SEC14L5: variants seen among roughly 807,000 people sequenced by gnomAD.
SEC14L5 encodes SEC14-like protein 5.
SEC14L5 carries 96 observed loss-of-function variants against 84.6 expected under a neutral mutation model. The ratio of observed to expected loss-of-function variants is 1.13; its 90% CI spans 0.96 to 1.34. SEC14L5 has a LOEUF of 1.34. SEC14L5 is among the 40% of genes most tolerant of loss of function. The pLI is 0.00. For missense variants in SEC14L5, 1,224 were observed against 942.5 expected (o/e 1.30, Z -3.91); for synonymous variants, 546 against 383.4 (o/e 1.42, Z -4.95).
intron 11 of SEC14L5, 145 bp from the exon 12 acceptor site, chr16:5,005,769 C>A (rs1955723503): frequency 1.4e-6 from 1 of 731,534 alleles, no homozygotes; most frequent in African/African-American, 1.9e-5. Flanking sequence ...GAGGCTGAGG[C>A]AGGAGGATGG....
intron 12 of SEC14L5, 84 bp from the exon 13 acceptor site, chr16:5,007,268 G>T (rs1403324994): frequency 7.5e-7 from 1 of 1,333,310 alleles, no homozygotes; most frequent in African/African-American, 1.4e-5. Flanking sequence ...AGTGGCTTTG[G>T]GGGTCACACA....
intron 4 of SEC14L5, among the ~76,000 whole-genome samples, chr16:4,990,238 C>T (rs1345602462): frequency 6.6e-6 from 1 of 151,978 alleles, no homozygotes; most frequent in Non-Finnish European, 1.5e-5. Context: ...TCTTGGCTCA[C>T]TGCAACCTCC....
intron 2 of SEC14L5, among the ~76,000 whole-genome samples, chr16:4,965,995 T>C (rs1955195922): frequency 6.6e-6 from 1 of 152,120 alleles, no homozygotes; most frequent in African/African-American, 2.4e-5. Context: ...TGAGCTGTGA[T>C]GTTGCTACTG....
chr16:5,011,515 A>G (rs1013929416), intron 15 of SEC14L5, among the ~76,000 whole-genome samples: 17 of 152,238 alleles, frequency 1.1e-4, no homozygotes, highest in African/African-American at 3.4e-4. Context: ...CTTGGGCAGA[A>G]GCTCAACTTT....
At chr16:5,007,609 T>TCTTTC in intron 13 of SEC14L5, 123 bp downstream of exon 13, 1 of 555,956 alleles carries the variant, frequency 1.8e-6, no homozygotes, top group African/African-American at 2.1e-5. Flanking sequence ...TTTCTTTCTT[T>TCTTTC]TTTTTTTTTT....
Position 5,008,481 on chromosome 16 carries a change from G to C in SEC14L5, c.1633G>C (p.Gly545Arg). ...CACCTGGGACTTTGACATCCTGCGA[G>C]GGGACGTGGTGTTCAGCCTGTACCA... Reference protein sequence around the residue: ...VITWDFDILRGDVVFSLYHTK... With the variant: ...VITWDFDILRRDVVFSLYHTK... The change falls in exon 14 of 16, where the codon GGG (glycine) becomes CGG (arginine). Residue 545 changes from glycine (G) to arginine (R), a missense_variant. Transcript: ENST00000251170. The C allele has an allele frequency of 1.2e-6, 2 of 1,613,630 alleles. No individual in the cohort carries two copies. The highest frequency in any genetic ancestry group is 1.1e-5 in the South Asian group (1 of 91,040).
At position 4,990,828 on chromosome 16, in the gene SEC14L5, C is replaced by A; in HGVS notation, c.407C>A (p.Ser136Tyr). 6.2e-7 allele frequency: 1 copy of A among 1,612,016 alleles called. No homozygotes were observed. The highest frequency in any genetic ancestry group is 8.5e-7 in the Non-Finnish European group (1 of 1,178,928). ...FEQSASLDIRSFFGFENALEK... is the reference protein window; with the variant it reads ...FEQSASLDIRYFFGFENALEK... Reference sequence around the variant, plus strand: ...CAGTCTGCCTCACTGGACATTCGGTCTTTCTTTGGCTTTGAAAATGCCTTG... The same window carrying A: ...CAGTCTGCCTCACTGGACATTCGGTATTTCTTTGGCTTTGAAAATGCCTTG... The change falls in exon 5 of 16, where the codon TCT (serine) becomes TAT (tyrosine). Residue 136 changes from serine to tyrosine, a missense_variant. Transcript: ENST00000251170.
intron 2 of SEC14L5, among the ~76,000 whole-genome samples, chr16:4,967,605 C>G (rs1358892955): frequency 1.8e-5 from 2 of 113,272 alleles, no homozygotes; most frequent in Non-Finnish European, 3.3e-5. Context: ...CAGAGTGTTG[C>G]TCTGTCGCCC....
chr16:5,011,051 C>T (rs780861033), intron 14 of SEC14L5, 44 bp from the exon 15 acceptor site: 143 of 1,545,590 alleles, frequency 9.3e-5, no homozygotes, highest in Non-Finnish European at 1.1e-4. Context: ...TTGACCTGTC[C>T]TCTGGAGGGC....
Position 4,991,946 on chromosome 16 carries a change from G to A in SEC14L5, c.583G>A (p.Ala195Thr), listed in dbSNP as rs2142507696. The A allele has an allele frequency of 6.3e-7, 1 of 1,599,496 alleles. No homozygotes were observed. Among genetic ancestry groups the A allele is most frequent in the Non-Finnish European group, 8.5e-7 (1 of 1,176,384 alleles). Residue 195 changes from alanine (A) to threonine (T), a missense_variant, in exon 6 of 16, where the codon GCT becomes ACT. By Grantham distance (58) the Ala-to-Thr change is moderately conservative. Transcript: ENST00000251170. ...PVREEDARNQ[A>T]GPRDPSSLEA... is the part of the protein sequence containing the mutation. ...CCGTGAGGAGGATGCCCGCAACCAG[G>A]CTGGACCGAGGGACCCCAGCTCCCT...
chr16:4,993,175 T>C (rs902053716), intron 6 of SEC14L5, among the ~76,000 whole-genome samples: 19 of 152,286 alleles, frequency 1.2e-4, no homozygotes, highest in African/African-American at 4.6e-4. Flanking sequence ...CCTGAGTAGC[T>C]GGGACTATAT....
chr16:5,000,660 C>T lies in SEC14L5; in HGVS notation c.976C>T (p.Arg326Cys), dbSNP rs745736318. 10 of 1,551,196 alleles carry T rather than the reference C, an allele frequency of 6.4e-6. No individual in the cohort carries two copies. The highest frequency in any genetic ancestry group is 3.6e-5 in the South Asian group (3 of 84,050). The change falls in exon 9 of 16, where the codon CGC (arginine) becomes TGC (cysteine). Residue 326 changes from arginine (R) to cysteine (C), a missense_variant. Transcript: ENST00000251170. ...GGWHYQDIDG[R>C]PLYILRLGQM... ...GCTTGGCCCCATCCACAAAGATGGC[C>T]GCCCCCTCTACATCCTCCGCCTGGG...
At chr16:4,964,011 C>T (rs984416953) in intron 2 of SEC14L5, among the ~76,000 whole-genome samples, 5 of 152,138 alleles carry the variant, frequency 3.3e-5, no homozygotes, top group African/African-American at 4.8e-5. Flanking sequence ...GATAGCATTC[C>T]GTATCATTGG....
At chr16:4,977,250 C>T (rs192744889) in intron 2 of SEC14L5, among the ~76,000 whole-genome samples, 46 of 151,884 alleles carry the variant, frequency 3.0e-4, no homozygotes, top group Admixed American at 2.5e-3. Context: ...AGTTCGAGAC[C>T]AGCCTGGCCA....
intron 15 of SEC14L5, among the ~76,000 whole-genome samples, chr16:5,014,606 A>C (rs1955849420): frequency 6.6e-6 from 1 of 152,220 alleles, no homozygotes; most frequent in Admixed American, 6.5e-5. Flanking sequence ...TGGCGGCCTT[A>C]GGGCCATGCA....
chr16:5,005,427 G>A (rs982169369), intron 11 of SEC14L5, among the ~76,000 whole-genome samples: 2 of 151,990 alleles, frequency 1.3e-5, no homozygotes, highest in African/African-American at 4.8e-5. Flanking sequence ...CGGTGGGGTG[G>A]GAATGGGGTT....
intron 2 of SEC14L5, 59 bp from the exon 3 acceptor site, chr16:4,987,497 TG>T (rs549895041): frequency 0.037 from 41,584 of 1,126,800 alleles, 22 homozygotes; most frequent in East Asian, 0.12. Flanking sequence ...GAGGTCGCGC[TG>T]GGGGGGGGGG....
At chr16:4,990,966 C>T in intron 5 of SEC14L5, 71 bp downstream of exon 5, 2 of 1,344,174 alleles carry the variant, frequency 1.5e-6, no homozygotes, top group Non-Finnish European at 1.0e-6. Context: ...AGCTGCATGA[C>T]CCCTGGCAAG....
chr16:5,008,790 A>G (rs3743842), intron 14 of SEC14L5, 142 bp downstream of exon 14: 182,689 of 693,814 alleles, frequency 0.26, 26,422 homozygotes, highest in Admixed American at 0.36. Flanking sequence ...GGCAGAGGAA[A>G]GACACACAGG....
Sources: gnomAD v4.1 joint callset for allele counts (sites outside exome capture counted in the v4.1 genomes callset) on GRCh38, gnomAD v4.1.1 for gene constraint, MANE v1.5 for transcripts, NCBI Gene and HGNC (gene_info 2026-07-23, HGNC 2026-07-21) for gene names.